Variants in RASGEF1C observed in about 807,000 individuals in gnomAD.
RASGEF1C encodes RasGEF domain family member 1C.
RASGEF1C carries 27 observed loss-of-function variants against 58.1 expected under a neutral mutation model. The observed-to-expected ratio is 0.46, with a 90% CI of 0.34 to 0.64. The LOEUF (loss-of-function observed/expected upper bound fraction) is 0.64, where lower values mean the gene tolerates loss of function less well. RASGEF1C is among the 30% of genes least tolerant of loss of function. The pLI, the probability that RASGEF1C is intolerant of heterozygous loss-of-function variation, is 0.01. For missense variants in RASGEF1C, 502 were observed against 605.1 expected, an observed-to-expected ratio of 0.83 and a Z score of 1.79; for synonymous variants, 243 against 246.3, an observed-to-expected ratio of 0.99 and a Z score of 0.13.
intron 1 of RASGEF1C, among the ~76,000 whole-genome samples, chr5:180,191,680 CAA>C (rs1444555416): frequency 2.0e-5 from 3 of 152,204 alleles, no homozygotes; most frequent in Non-Finnish European, 2.9e-5. Flanking sequence ...ATAAGAGTCT[CAA>C]AGAGTGAACC....
intron 1 of RASGEF1C, among the ~76,000 whole-genome samples, chr5:180,142,358 G>C (rs1188042987): frequency 6.6e-6 from 1 of 152,182 alleles, no homozygotes; most frequent in Non-Finnish European, 1.5e-5. Flanking sequence ...ACTGCGGGGA[G>C]GGGTGGTATG....
chr5:180,191,451 G>T (rs1666941427), intron 1 of RASGEF1C, among the ~76,000 whole-genome samples: 1 of 152,120 alleles, frequency 6.6e-6, no homozygotes, highest in African/African-American at 2.4e-5. Flanking sequence ...CCGCCTCCCG[G>T]GTTCACGCCA....
At chr5:180,208,570 C>G (rs372781473) in intron 1 of RASGEF1C, among the ~76,000 whole-genome samples, 1 of 152,196 alleles carries the variant, frequency 6.6e-6, no homozygotes, top group East Asian at 1.9e-4. Context: ...CCGATCCCAT[C>G]CTCAAGGGTG....
chr5:180,131,647 C>T (rs1289043010), intron 4 of RASGEF1C, among the ~76,000 whole-genome samples: 3 of 152,344 alleles, frequency 2.0e-5, no homozygotes, highest in South Asian at 2.1e-4. Context: ...TGTCCACCAG[C>T]GTCTGCTGAA....
chr5:180,200,790 G>A (rs2127564219), intron 1 of RASGEF1C, among the ~76,000 whole-genome samples: 1 of 152,182 alleles, frequency 6.6e-6, no homozygotes, highest in East Asian at 1.9e-4. Flanking sequence ...TAGGAGACAG[G>A]GCGCGCGCTC....
At chr5:180,208,032 C>A (rs1355791163) in intron 1 of RASGEF1C, among the ~76,000 whole-genome samples, 1 of 152,170 alleles carries the variant, frequency 6.6e-6, no homozygotes, top group African/African-American at 2.4e-5. Context: ...AGGCGGCACA[C>A]AGTAGGCGCT....
chr5:180,149,182 G>C (rs1175056238), intron 1 of RASGEF1C, among the ~76,000 whole-genome samples: 1 of 148,612 alleles, frequency 6.7e-6, no homozygotes, highest in East Asian at 2.0e-4. Context: ...CTGCCTCCTG[G>C]GTTCAAGTGA....
intron 4 of RASGEF1C, 136 bp downstream of exon 4, chr5:180,136,242 C>T: frequency 2.2e-6 from 2 of 921,198 alleles, no homozygotes; most frequent in Non-Finnish European, 3.2e-6. Context: ...CCTTGATAGG[C>T]CAGAAAGCGG....
In RASGEF1C at chr5:180,156,530, G is replaced by A. The variant is rs1327596302; in HGVS notation, c.-6-18472C>T. 6.6e-6 allele frequency among the ~76,000 whole-genome samples: 1 copy of A among 152,208 alleles called. No homozygotes were observed. The highest frequency in any genetic ancestry group is 1.5e-5 in the Non-Finnish European group (1 of 68,040). ...CACACCTGTAATCCTAGCACTTTGG[G>A]AAGCTGAGCATGCAGAGTGCTTGAG... On this transcript the variant is annotated intron_variant, in intron 1 of 13. Coordinates refer to ENST00000361132, the MANE Select transcript of RASGEF1C (RefSeq NM_175062.4). This position sits in a 1 kb window ranked among gnomAD's most constrained non-coding sequence, Gnocchi z 4.9.
intron 12 of RASGEF1C, among the ~76,000 whole-genome samples, chr5:180,105,082 T>A (rs1305053200): frequency 1.3e-5 from 2 of 152,234 alleles, no homozygotes; most frequent in Non-Finnish European, 2.9e-5. Context: ...TTCTGCAGTT[T>A]GAGATGCAAC....
rs1235564438 is a variant in RASGEF1C at position 180,183,978 on chromosome 5, C to T, written c.-7+25050G>A. Among the ~76,000 whole-genome samples the T allele has an allele frequency of 2.0e-5, 3 of 151,468 alleles. No homozygotes were observed. The East Asian group carries it at 5.8e-4, about 30-fold the overall frequency. On this transcript the variant is annotated intron_variant, in intron 1 of 13. Transcript: ENST00000361132. ...CTTGAGGTCAGGGGTTTGAGACCAG[C>T]CTGGTCAACATAGTAAAACTCCATC...
At chr5:180,151,877 A>C (rs1373958046) in intron 1 of RASGEF1C, among the ~76,000 whole-genome samples, 9 of 150,210 alleles carry the variant, frequency 6.0e-5, no homozygotes, top group Non-Finnish European at 1.0e-4. Flanking sequence ...TACAAGAAAA[A>C]AACAAACAAC....
At chr5:180,125,159 A>AAC (rs1766234147) in intron 6 of RASGEF1C, among the ~76,000 whole-genome samples, 3 of 152,048 alleles carry the variant, frequency 2.0e-5, no homozygotes, top group East Asian at 1.9e-4. Context: ...ACAACAACAA[A>AAC]AAACCCAAAA....
chr5:180,134,651 A>G (rs1291228674), intron 4 of RASGEF1C, among the ~76,000 whole-genome samples: 1 of 149,564 alleles, frequency 6.7e-6, no homozygotes, highest in Non-Finnish European at 1.5e-5. Context: ...CCTTCCTTCT[A>G]ACATCTGCCC....
rs1767055389 is a variant in RASGEF1C, at chr5:180,168,546, C to T, written c.-6-30488G>A. Among the ~76,000 whole-genome samples, 1 of 152,196 alleles carries T rather than the reference C, an allele frequency of 6.6e-6. No individual in the cohort carries two copies. The highest frequency in any genetic ancestry group is 6.5e-5 in the Admixed American group (1 of 15,282). ...GGGCTCTGCATTTCCGTCGTCGAGC[C>T]AGAAAGCTAGGGCTTTCCTTCCTTG... On this transcript the variant is annotated intron_variant, in intron 1 of 13. Transcript: ENST00000361132. This position sits in a 1 kb window ranked among gnomAD's most constrained non-coding sequence, Gnocchi z 6.0.
intron 1 of RASGEF1C, among the ~76,000 whole-genome samples, chr5:180,150,323 C>G (rs1254649050): frequency 1.3e-5 from 2 of 152,210 alleles, no homozygotes; most frequent in Non-Finnish European, 2.9e-5. Flanking sequence ...ATCTTTAGGA[C>G]AGTTGTTTCA....
chr5:180,121,388 A>G (rs1240692934), intron 6 of RASGEF1C, among the ~76,000 whole-genome samples: 1 of 150,456 alleles, frequency 6.6e-6, no homozygotes, highest in African/African-American at 2.5e-5. Context: ...ATCTCGGCTC[A>G]CTGCAAGCTC....
chr5:180,139,580 CCAGA>C (rs1185214515), intron 1 of RASGEF1C, among the ~76,000 whole-genome samples: 7 of 152,178 alleles, frequency 4.6e-5, no homozygotes, highest in Admixed American at 3.3e-4. Flanking sequence ...GGACAGCAGC[CCAGA>C]CAGTCCTGGC....
intron 4 of RASGEF1C, among the ~76,000 whole-genome samples, chr5:180,130,469 C>T (rs1017819884): frequency 2.0e-5 from 3 of 152,232 alleles, no homozygotes; most frequent in Non-Finnish European, 4.4e-5. Context: ...CACGGACCTC[C>T]TGTCTCTCTC....
Sources: gnomAD v4.1 joint callset for allele counts (sites outside exome capture counted in the v4.1 genomes callset) on GRCh38, gnomAD v4.1.1 for gene constraint, Gnocchi (gnomAD v3.1) non-coding constraint, MANE v1.5 for transcripts, NCBI Gene and HGNC (gene_info 2026-07-23, HGNC 2026-07-21) for gene names.